Variants in AASDHPPT observed in about 807,000 individuals in gnomAD.
AASDHPPT encodes L-aminoadipate-semialdehyde dehydrogenase-phosphopantetheinyl transferase.
AASDHPPT carries 23 observed loss-of-function variants against 36.4 expected under a neutral mutation model. The ratio of observed to expected loss-of-function variants is 0.63; its 90% CI spans 0.45 to 0.89. The LOEUF (loss-of-function observed/expected upper bound fraction) is 0.89, where lower values mean the gene tolerates loss of function less well. AASDHPPT is among the 40% of genes least tolerant of loss of function. AASDHPPT has a pLI of 0.00. For synonymous variants in AASDHPPT, 115 were observed against 128.0 expected, an observed-to-expected ratio of 0.90 and a Z score of 0.68; for missense variants, 377 against 378.2, an observed-to-expected ratio of 1.00 and a Z score of 0.03.
Position 106,079,698 on chromosome 11 carries a change from G to A in AASDHPPT, c.409+6G>A, listed in dbSNP as rs748648413. 1.3e-5 allele frequency: 21 copies of A among 1,612,836 alleles called. No homozygotes were observed. The highest frequency in any genetic ancestry group is 2.2e-5 in the South Asian group (2 of 91,028). On this transcript the variant is annotated splice_donor_region_variant and intron_variant, in intron 2 of 5. Transcript: ENST00000278618. ...AATGAAGACTAGTTTTCCAGGTAAC[G>A]TTGCATTTTTCTAGTATGGCAGTTA...
intron 2 of AASDHPPT, among the ~76,000 whole-genome samples, chr11:106,090,220 C>A (rs1235657229): frequency 6.6e-6 from 1 of 151,918 alleles, no homozygotes; most frequent in Non-Finnish European, 1.5e-5. Context: ...TTTATAACAG[C>A]TTTGGCTGCT....
rs139150757 is a variant in AASDHPPT at position 106,080,898 on chromosome 11, G to A, written c.409+1206G>A. Among the ~76,000 whole-genome samples the A allele has an allele frequency of 1.3e-3, 203 of 152,248 alleles. 3 individuals carry two copies. The highest frequency in any genetic ancestry group is 4.2e-3 in the African/African-American group (176 of 41,562). On this transcript the variant is annotated intron_variant, in intron 2 of 5. Transcript: ENST00000278618. ...TAGATTTCACCTTAACCTTACTTTA[G>A]GGAAGCTTTGTGAGCCTTCAATCTA... is the stretch of plus-strand genomic sequence containing the variant.
intron 2 of AASDHPPT, among the ~76,000 whole-genome samples, chr11:106,084,145 A>C (rs965467071): frequency 6.6e-6 from 1 of 152,130 alleles, no homozygotes; most frequent in Non-Finnish European, 1.5e-5. Context: ...TGCCCATCAG[A>C]TTTGCAGAAA....
chr11:106,077,939 T>TG (rs1482246385), intron 1 of AASDHPPT, 46 bp downstream of exon 1: 1 of 1,584,932 alleles, frequency 6.3e-7, no homozygotes, highest in Admixed American at 1.7e-5. Context: ...AAGCAGATCT[T>TG]GGGGGAGGCG....
In AASDHPPT at chr11:106,091,431, C is replaced by T. The variant is rs1319425948; in HGVS notation, c.647C>T (p.Thr216Ile). ...NLDIGQVYKETRLFLDGEEEK... is the reference protein window; with the variant it reads ...NLDIGQVYKEIRLFLDGEEEK... ...GATATAGGCCAAGTTTATAAAGAAA[C>T]ACGTTTATTCCTGGATGGAGAGGAA... Residue 216 changes from threonine (T) to isoleucine (I), a missense_variant, in exon 4 of 6, where the codon ACA becomes ATA. Thr to Ile is a moderately conservative substitution (Grantham distance 89). Coordinates refer to ENST00000278618, the MANE Select transcript of AASDHPPT (RefSeq NM_015423.3). The T allele has an allele frequency of 1.2e-6, 2 of 1,601,968 alleles. No individual in the cohort carries two copies.
intron 2 of AASDHPPT, among the ~76,000 whole-genome samples, chr11:106,087,279 T>C (rs1311785049): frequency 6.6e-6 from 1 of 152,216 alleles, no homozygotes; most frequent in Non-Finnish European, 1.5e-5. Flanking sequence ...TAGGTTTTTG[T>C]CTGGATAAGT....
chr11:106,094,738 CT>C, intron 5 of AASDHPPT, 84 bp downstream of exon 5: 1 of 1,058,866 alleles, frequency 9.4e-7, no homozygotes, highest in African/African-American at 1.6e-5. Context: ...AGTCATTTGC[CT>C]TATATCAGTT....
chr11:106,091,260 C>G, intron 3 of AASDHPPT, 56 bp from the exon 4 acceptor site: 10 of 1,494,140 alleles, frequency 6.7e-6, no homozygotes, highest in Non-Finnish European at 9.0e-6. Flanking sequence ...CCTGTAGATT[C>G]TATGAAAAAT....
Position 106,098,657 on chromosome 11 carries a change from G to C in AASDHPPT, c.*1750G>C, listed in dbSNP as rs1406133350. The C allele has an allele frequency of 1.3e-5, 2 of 151,786 alleles. No individual in the cohort carries two copies. Among genetic ancestry groups the C allele is most frequent in the Non-Finnish European group, 2.9e-5 (2 of 67,926 alleles). 9.4% of individuals were successfully genotyped at this position (151,786 alleles called of 1,614,324 possible). A position where few individuals can be genotyped will look rare whatever the true frequency, so the allele number is the denominator to read the frequency against. On this transcript the variant is annotated 3_prime_UTR_variant, in exon 6 of 6. Coordinates refer to ENST00000278618, the MANE Select transcript of AASDHPPT (RefSeq NM_015423.3). ...ATGGTGATATGAAAAACTTTGTCTT[G>C]TCATTATAATAATAAAAAAATGAAC...
At chr11:106,086,427 G>A (rs933451685) in intron 2 of AASDHPPT, 2 of 152,056 alleles carry the variant, frequency 1.3e-5, no homozygotes, top group African/African-American at 4.8e-5. Context: ...GGTATGACCT[G>A]ATCTTAACTT....
At chr11:106,094,836 T>G (rs1039199764) in intron 5 of AASDHPPT, among the ~76,000 whole-genome samples, 182 bp downstream of exon 5, 3 of 152,102 alleles carry the variant, frequency 2.0e-5, no homozygotes, top group Non-Finnish European at 4.4e-5. Context: ...GAAACATTTT[T>G]AAAAAGCAGC....
chr11:106,094,724 A>G, intron 5 of AASDHPPT, 70 bp downstream of exon 5: 1 of 1,242,610 alleles, frequency 8.0e-7, no homozygotes, highest in Non-Finnish European at 1.1e-6. Flanking sequence ...TTATTGATGG[A>G]AATAGTCATT....
chr11:106,081,500 A>G (rs1861141307), intron 2 of AASDHPPT, among the ~76,000 whole-genome samples: 1 of 152,204 alleles, frequency 6.6e-6, no homozygotes, highest in African/African-American at 2.4e-5. Context: ...TTGCTGCTAT[A>G]GAGGATTCTT....
At chr11:106,089,724 G>A (rs1861234781) in intron 2 of AASDHPPT, among the ~76,000 whole-genome samples, 1 of 151,836 alleles carries the variant, frequency 6.6e-6, no homozygotes. Context: ...TTAATGTTTT[G>A]GAAAATTCAG....
At chr11:106,090,764 G>A in intron 3 of AASDHPPT, 86 bp downstream of exon 3, 2 of 1,503,896 alleles carry the variant, frequency 1.3e-6, no homozygotes, top group Admixed American at 2.5e-5. Context: ...TTACCCAGTA[G>A]TGTCCAAACA....
intron 2 of AASDHPPT, among the ~76,000 whole-genome samples, chr11:106,088,492 A>C (rs1861219983): frequency 6.6e-6 from 1 of 152,126 alleles, no homozygotes; most frequent in Non-Finnish European, 1.5e-5. Context: ...ATTGTTACAT[A>C]TGCTGTTTGT....
intron 3 of AASDHPPT, 58 bp from the exon 4 acceptor site, chr11:106,091,258 T>G: frequency 1.3e-6 from 2 of 1,487,518 alleles, no homozygotes; most frequent in East Asian, 2.3e-5. Flanking sequence ...GACCTGTAGA[T>G]TCTATGAAAA....
intron 2 of AASDHPPT, among the ~76,000 whole-genome samples, chr11:106,087,007 G>A (rs1861204905): frequency 6.6e-6 from 1 of 152,136 alleles, no homozygotes; most frequent in Non-Finnish European, 1.5e-5. Flanking sequence ...CAGCCCAGTA[G>A]TTCTAGCTCT....
Position 106,097,448 on chromosome 11 carries a change from T to A in AASDHPPT, c.*541T>A, listed in dbSNP as rs147804891. 1 of 152,700 alleles carries A rather than the reference T, an allele frequency of 6.5e-6. No homozygotes were observed. Among genetic ancestry groups the A allele is most frequent in the African/African-American group, 2.4e-5 (1 of 41,564 alleles). The allele number at this position is 152,700 out of a possible 1,614,324, so 9.5% of individuals were successfully genotyped here. A position where few individuals can be genotyped will look rare whatever the true frequency, so the allele number is the denominator to read the frequency against. ...AAGTTAGGATGCTTTTGGCCAGAGGTAACAGTGTCCAAATATAATTGGCCT... is the reference window on the plus strand; with the variant it reads ...AAGTTAGGATGCTTTTGGCCAGAGGAAACAGTGTCCAAATATAATTGGCCT... On this transcript the variant is annotated 3_prime_UTR_variant, in exon 6 of 6. Transcript: ENST00000278618.
Sources: allele counts gnomAD v4.1 joint callset (sites outside exome capture counted in the v4.1 genomes callset), GRCh38; gene constraint gnomAD v4.1.1; transcripts MANE v1.5; gene names NCBI Gene and HGNC (gene_info 2026-07-23, HGNC 2026-07-21).